PID1: variants seen among roughly 807,000 people sequenced by gnomAD.
PID1 encodes PTB-containing, cubilin and LRP1-interacting protein.
PID1 carries 10 observed loss-of-function variants against 19.1 expected under a neutral mutation model. That is an observed-to-expected ratio of 0.52 (90% CI 0.32 to 0.89). The LOEUF (loss-of-function observed/expected upper bound fraction) is 0.89. Ranked by LOEUF, PID1 falls within the 40% of genes least tolerant of loss-of-function variation. The pLI is 0.03. For missense variants in PID1, 248 were observed against 285.3 expected (o/e 0.87, Z 0.94); for synonymous variants, 130 against 116.0 (o/e 1.12, Z -0.78).
chr2:229,139,568 A>G (rs1353765115), intron 2 of PID1, among the ~76,000 whole-genome samples: 3 of 152,160 alleles, frequency 2.0e-5, no homozygotes, highest in African/African-American at 7.2e-5. Context: ...AAATCTGAAT[A>G]TCCCAGCACT....
intron 2 of PID1, among the ~76,000 whole-genome samples, chr2:229,134,731 T>C (rs1053858537): frequency 6.6e-6 from 1 of 152,236 alleles, no homozygotes; most frequent in Non-Finnish European, 1.5e-5. Context: ...TGTAATACTA[T>C]TTGATTTATT....
chr2:229,040,171 C>T (rs959056627), intron 2 of PID1, among the ~76,000 whole-genome samples: 2 of 148,682 alleles, frequency 1.3e-5, no homozygotes, highest in Non-Finnish European at 3.0e-5. Flanking sequence ...GCAATCCCAG[C>T]ACATTGGGAA....
intron 1 of PID1, among the ~76,000 whole-genome samples, chr2:229,214,049 A>G (rs2106251910): frequency 6.6e-6 from 1 of 152,356 alleles, no homozygotes; most frequent in Admixed American, 6.5e-5. Context: ...GGGCATGTCT[A>G]TAAACAAACA....
chr2:229,247,281 G>A (rs1169856490), intron 1 of PID1, among the ~76,000 whole-genome samples: 1 of 152,182 alleles, frequency 6.6e-6, no homozygotes, highest in Non-Finnish European at 1.5e-5. Flanking sequence ...AGGCTAGTAT[G>A]AAAGCTCCAG....
intron 2 of PID1, among the ~76,000 whole-genome samples, chr2:229,111,314 C>T (rs1030720128): frequency 3.3e-5 from 5 of 152,138 alleles, no homozygotes; most frequent in African/African-American, 2.4e-5. Context: ...TGGATATTGA[C>T]CCAGGTAGGA....
rs144309491 is a variant in PID1 at position 229,270,958 on chromosome 2, C to T, written c.30+56G>A. ...GTAGGCAGAAGCAAAAACTAGGTTCCTCTGCCCGGGCACCTCCTCCTCCAG... is the reference window on the plus strand; with the variant it reads ...GTAGGCAGAAGCAAAAACTAGGTTCTTCTGCCCGGGCACCTCCTCCTCCAG... On this transcript the variant is annotated intron_variant, in intron 1 of 2. Transcript: ENST00000392055. 1.3e-4 allele frequency: 198 copies of T among 1,477,148 alleles called. No homozygotes were observed. In the African/African-American group the frequency reaches 2.8e-3, roughly 21 times the overall value. 91.5% of individuals were successfully genotyped at this position (1,477,148 alleles called of 1,614,324 possible).
At chr2:229,267,328 C>G (rs1399502725) in intron 1 of PID1, among the ~76,000 whole-genome samples, 1 of 152,178 alleles carries the variant, frequency 6.6e-6, no homozygotes, top group Non-Finnish European at 1.5e-5. Flanking sequence ...AAAAATTGCC[C>G]AGGCTGCAAA....
chr2:229,237,015 C>CAT (rs1689716876), intron 1 of PID1, among the ~76,000 whole-genome samples: 1 of 150,650 alleles, frequency 6.6e-6, no homozygotes, highest in Non-Finnish European at 1.5e-5. Flanking sequence ...CACACACACA[C>CAT]ACACACACAC....
intron 2 of PID1, among the ~76,000 whole-genome samples, chr2:229,055,720 C>T (rs1694084775): frequency 6.6e-6 from 1 of 152,170 alleles, no homozygotes; most frequent in African/African-American, 2.4e-5. Flanking sequence ...AAGATATCTA[C>T]CAATTTTGCT....
chr2:229,119,892 C>T (rs1195503577), intron 2 of PID1, among the ~76,000 whole-genome samples: 1 of 152,150 alleles, frequency 6.6e-6, no homozygotes, highest in East Asian at 1.9e-4. Flanking sequence ...GATTCCCACT[C>T]CCTCTGCCTT....
At chr2:229,239,209 G>T (rs1408514794) in intron 1 of PID1, among the ~76,000 whole-genome samples, 3 of 152,168 alleles carry the variant, frequency 2.0e-5, no homozygotes, top group Non-Finnish European at 4.4e-5. Flanking sequence ...TAGTAAGCTA[G>T]CGGGAGGGGC....
intron 2 of PID1, among the ~76,000 whole-genome samples, chr2:229,072,302 C>T (rs1431311794): frequency 6.6e-6 from 1 of 152,136 alleles, no homozygotes; most frequent in African/African-American, 2.4e-5. Context: ...TTGTATAAAA[C>T]TATAGGCCAG....
intron 2 of PID1, among the ~76,000 whole-genome samples, chr2:229,074,321 TA>T (rs1011412133): frequency 7.3e-5 from 11 of 149,752 alleles, no homozygotes; most frequent in East Asian, 2.0e-4. Context: ...TAACATTACT[TA>T]AAAAAAAAGA....
intron 1 of PID1, among the ~76,000 whole-genome samples, chr2:229,170,491 C>T (rs962803135): frequency 6.6e-6 from 1 of 152,068 alleles, no homozygotes; most frequent in Non-Finnish European, 1.5e-5. Context: ...CTATTTTCTG[C>T]CATTTAAATA....
chr2:229,140,682 C>G (rs1320543529), intron 2 of PID1, among the ~76,000 whole-genome samples: 2 of 152,094 alleles, frequency 1.3e-5, no homozygotes, highest in Non-Finnish European at 2.9e-5. Context: ...AGAGCCTGGC[C>G]TACACTAAGA....
At chr2:229,235,659 C>T (rs1480878058) in intron 1 of PID1, among the ~76,000 whole-genome samples, 1 of 152,166 alleles carries the variant, frequency 6.6e-6, no homozygotes, top group South Asian at 2.1e-4. Context: ...CAAGTATTAT[C>T]GTTGTTCTTG....
intron 1 of PID1, among the ~76,000 whole-genome samples, chr2:229,229,458 C>T (rs1692156119): frequency 7.5e-6 from 1 of 133,978 alleles, no homozygotes; most frequent in Non-Finnish European, 1.6e-5. Context: ...CAAGACGAAA[C>T]CGCATCTCTA....
intron 1 of PID1, among the ~76,000 whole-genome samples, chr2:229,239,230 C>T (rs2106274690): frequency 1.3e-5 from 2 of 152,184 alleles, no homozygotes; most frequent in Middle Eastern, 6.8e-3. Context: ...CAAGAATTTG[C>T]ATTTATTACA....
intron 1 of PID1, among the ~76,000 whole-genome samples, chr2:229,230,434 T>C (rs1381162670): frequency 1.3e-5 from 2 of 152,210 alleles, no homozygotes; most frequent in African/African-American, 4.8e-5. Context: ...TCTTGGCCCT[T>C]ATGCACACTC....
Sources: allele counts gnomAD v4.1 joint callset (sites outside exome capture counted in the v4.1 genomes callset), GRCh38; gene constraint gnomAD v4.1.1; transcripts MANE v1.5; gene names NCBI Gene and HGNC (gene_info 2026-07-23, HGNC 2026-07-21).